Variants in MYO3A observed in about 807,000 individuals in gnomAD.
MYO3A encodes myosin-IIIa.
In MYO3A, 180 loss-of-function variants were observed where a neutral mutation model predicts 192.7. The observed-to-expected ratio is 0.93, with a 90% CI of 0.83 to 1.06. MYO3A has a LOEUF of 1.06. MYO3A is among the 50% of genes least tolerant of loss of function. The pLI, the probability that MYO3A is intolerant of heterozygous loss-of-function variation, is 0.00. For missense variants in MYO3A, 1,896 were observed against 1,905.0 expected, an observed-to-expected ratio of 1.00 and a Z score of 0.09; for synonymous variants, 628 against 645.3, an observed-to-expected ratio of 0.97 and a Z score of 0.41.
At chr10:26,145,252 G>A (rs530598370) in intron 21 of MYO3A, among the ~76,000 whole-genome samples, 194 bp from the exon 22 acceptor site, 6 of 150,150 alleles carry the variant, frequency 4.0e-5, no homozygotes, top group South Asian at 2.1e-4. Context: ...GCCCTAAATC[G>A]TAATGTAATG....
chr10:25,953,534 T>C (rs1220849678), intron 3 of MYO3A, among the ~76,000 whole-genome samples: 2 of 152,120 alleles, frequency 1.3e-5, no homozygotes, highest in East Asian at 3.9e-4. Flanking sequence ...CCAAAGTGAC[T>C]ATACCTCTCT....
At chr10:25,988,577 C>G (rs1167915045) in intron 4 of MYO3A, among the ~76,000 whole-genome samples, 1 of 152,064 alleles carries the variant, frequency 6.6e-6, no homozygotes, top group Non-Finnish European at 1.5e-5. Flanking sequence ...GCAGTTTCCT[C>G]TCTTTGTACT....
At chr10:26,162,245 G>T (rs1841519818) in intron 26 of MYO3A, among the ~76,000 whole-genome samples, 1 of 152,210 alleles carries the variant, frequency 6.6e-6, no homozygotes, top group African/African-American at 2.4e-5. Flanking sequence ...AAGATACTCT[G>T]AGAGCATAAA....
chr10:26,166,177 A>G lies in MYO3A; in HGVS notation c.3110A>G (p.Lys1037Arg). Residue 1037 changes from lysine to arginine, a missense_variant and splice_region_variant, in exon 27 of 35, where the codon AAA (lysine) becomes AGA (arginine). By Grantham distance (26) the Lys-to-Arg change is conservative. Transcript: ENST00000642920. ...GATAACTGGGCTCTTGGAAAAACAA[A>G]AGTAATGTTTTCATGTAATTTTCAG... ...GLDNWALGKTKVFLKYYHVEQ... is the reference protein window; with the variant it reads ...GLDNWALGKTRVFLKYYHVEQ... 6.2e-7 allele frequency: 1 copy of G among 1,602,786 alleles called. No individual in the cohort carries two copies. Among genetic ancestry groups the G allele is most frequent in the East Asian group, 2.2e-5 (1 of 44,844 alleles).
Position 26,024,008 on chromosome 10 carries a change from T to C in MYO3A, c.732-14T>C. 2 of 1,608,788 alleles carry C rather than the reference T, an allele frequency of 1.2e-6. No homozygotes were observed. The highest frequency in any genetic ancestry group is 1.7e-6 in the Non-Finnish European group (2 of 1,175,394). On this transcript the variant is annotated splice_polypyrimidine_tract_variant and intron_variant, in intron 8 of 34. Coordinates refer to ENST00000642920, the MANE Select transcript of MYO3A (RefSeq NM_017433.5). ...CCAATATACAGAATCCAACATTGATTCTTATTTTTCTAGGAATCCACCCCC... is the reference window on the plus strand; with the variant it reads ...CCAATATACAGAATCCAACATTGATCCTTATTTTTCTAGGAATCCACCCCC...
intron 17 of MYO3A, among the ~76,000 whole-genome samples, chr10:26,119,509 T>A (rs1838723297): frequency 6.6e-6 from 1 of 152,204 alleles, no homozygotes; most frequent in Non-Finnish European, 1.5e-5. Flanking sequence ...ATATGTATAT[T>A]ATGTATGAGT....
intron 2 of MYO3A, among the ~76,000 whole-genome samples, chr10:25,936,678 T>C (rs1200882119): frequency 6.6e-6 from 1 of 152,194 alleles, no homozygotes; most frequent in African/African-American, 2.4e-5. Context: ...TTGGGAAGCA[T>C]TACTCTTTTG....
At chr10:26,206,550 G>T (rs1333748944) in intron 34 of MYO3A, among the ~76,000 whole-genome samples, 1 of 152,006 alleles carries the variant, frequency 6.6e-6, no homozygotes. Flanking sequence ...CCAGGTTCAA[G>T]TGATTCTCCT....
chr10:26,198,764 GCCT>G (rs1226539715), intron 32 of MYO3A, among the ~76,000 whole-genome samples: 1 of 152,080 alleles, frequency 6.6e-6, no homozygotes, highest in Non-Finnish European at 1.5e-5. Context: ...TTCTTTAAAG[GCCT>G]CCTCAAGAAA....
chr10:26,020,178 A>G (rs1842229341), intron 7 of MYO3A, among the ~76,000 whole-genome samples: 2 of 152,222 alleles, frequency 1.3e-5, no homozygotes. Flanking sequence ...GAGCCAGAAT[A>G]TTACCAATAG....
At chr10:26,069,029 A>C (rs1835030109) in intron 12 of MYO3A, 145 bp downstream of exon 12, 5 of 605,728 alleles carry the variant, frequency 8.3e-6, no homozygotes, top group South Asian at 5.2e-5. Flanking sequence ...TAGAACTAGG[A>C]AAAATAGAAG....
At chr10:26,177,909 C>G (rs1842411508) in intron 31 of MYO3A, among the ~76,000 whole-genome samples, 1 of 152,248 alleles carries the variant, frequency 6.6e-6, no homozygotes, top group Non-Finnish European at 1.5e-5. Flanking sequence ...ATGTTTTCAT[C>G]AATTATTCTG....
chr10:26,065,725 TATAAC>T (rs1265811258), intron 10 of MYO3A, among the ~76,000 whole-genome samples: 1 of 150,870 alleles, frequency 6.6e-6, no homozygotes, highest in Non-Finnish European at 1.5e-5. Flanking sequence ...GGGTGGGTGA[TATAAC>T]AGAGAAAATT....
Position 26,174,295 on chromosome 10 carries a change from A to G in MYO3A, c.4031A>G (p.Glu1344Gly). 1.2e-6 allele frequency: 2 copies of G among 1,614,042 alleles called. No homozygotes were observed. The highest frequency in any genetic ancestry group is 1.7e-6 in the Non-Finnish European group (2 of 1,179,902). Reference sequence around the variant, plus strand: ...GTTGAACCAGTGACACAGGCCCAGGAGGAAGAAGATAAAGCAGCGGTATTC... The same window carrying G: ...GTTGAACCAGTGACACAGGCCCAGGGGGAAGAAGATAAAGCAGCGGTATTC... ...RQVEPVTQAQEEEDKAAVFIQ... is the reference protein window; with the variant it reads ...RQVEPVTQAQGEEDKAAVFIQ... Residue 1344 changes from glutamate (E) to glycine (G), a missense_variant, in exon 30 of 35, where the codon GAG (glutamate) becomes GGG (glycine). Glu to Gly is a moderately conservative substitution (Grantham distance 98, BLOSUM62 -2). Coordinates refer to ENST00000642920, the MANE Select transcript of MYO3A (RefSeq NM_017433.5).
Position 26,090,507 on chromosome 10 carries a change from C to CA in MYO3A, c.1562+2104dup, listed in dbSNP as rs567981308. On this transcript the variant is annotated intron_variant, in intron 15 of 34. Transcript: ENST00000642920. ...AAAAGCATTCCAAATTCCAAATTCA[C>CA]AATCAAGTGGAAATATAACTCAGTT... Among the ~76,000 whole-genome samples, 14 of 152,262 alleles carry CA rather than the reference C, an allele frequency of 9.2e-5. No homozygotes were observed. In the South Asian group the frequency reaches 2.9e-3, roughly 32 times the overall value.
At chr10:26,138,526 T>TATG in intron 20 of MYO3A, among the ~76,000 whole-genome samples, 1 of 152,192 alleles carries the variant, frequency 6.6e-6, no homozygotes, top group African/African-American at 2.4e-5. Context: ...AAGATTATGT[T>TATG]ATGATAATAA....
chr10:25,984,718 G>T (rs1328124971), intron 4 of MYO3A, among the ~76,000 whole-genome samples: 1 of 151,882 alleles, frequency 6.6e-6, no homozygotes, highest in Admixed American at 6.6e-5. Context: ...AGACCACAGT[G>T]GAATAAAATT....
chr10:26,034,772 A>ATT (rs200346900), intron 10 of MYO3A, among the ~76,000 whole-genome samples: 2,599 of 152,108 alleles, frequency 0.017, 60 homozygotes, highest in African/African-American at 0.058. Flanking sequence ...GATTTGCTTC[A>ATT]AAATTATGTA....
chr10:26,101,622 T>A (rs533119214), intron 17 of MYO3A, among the ~76,000 whole-genome samples: 1 of 152,346 alleles, frequency 6.6e-6, no homozygotes, highest in South Asian at 2.1e-4. Context: ...CATTTGCTTG[T>A]CTGTAAAGGA....
Sources: gnomAD v4.1 joint callset for allele counts (sites outside exome capture counted in the v4.1 genomes callset) on GRCh38, gnomAD v4.1.1 for gene constraint, MANE v1.5 for transcripts, NCBI Gene and HGNC (gene_info 2026-07-23, HGNC 2026-07-21) for gene names.